The following PAG1 variants were observed in gnomAD, a reference collection of about 807,000 sequenced individuals.
The protein encoded by PAG1 is phosphoprotein associated with glycosphingolipid-enriched microdomains 1.
In PAG1, 23 loss-of-function variants were observed where a neutral mutation model predicts 31.7. The ratio of observed to expected loss-of-function variants is 0.73; its 90% CI spans 0.52 to 1.03. The LOEUF is 1.03. PAG1 is among the 50% of genes least tolerant of loss of function. PAG1 has a pLI of 0.00. For synonymous variants in PAG1, 214 were observed against 210.3 expected (o/e 1.02, Z -0.15); for missense variants, 473 against 540.7 (o/e 0.87, Z 1.24).
chr8:81,032,748 G>A (rs7007766), intron 2 of PAG1, among the ~76,000 whole-genome samples: 96,630 of 152,054 alleles, frequency 0.64, 31,686 homozygotes, highest in Non-Finnish European at 0.72. Flanking sequence ...GAAACTATAC[G>A]TCCACACAAA....
At chr8:81,080,575 G>GT in intron 1 of PAG1, among the ~76,000 whole-genome samples, 1 of 152,138 alleles carries the variant, frequency 6.6e-6, no homozygotes, top group East Asian at 1.9e-4. Context: ...TAAAGAGGCT[G>GT]TAAGAGGCAG....
intron 3 of PAG1, among the ~76,000 whole-genome samples, chr8:80,999,780 G>A (rs1807751337): frequency 6.6e-6 from 1 of 152,208 alleles, no homozygotes; most frequent in Non-Finnish European, 1.5e-5. Context: ...TTTTGCCCCA[G>A]ACAAGCCAAA....
chr8:81,103,231 C>T (rs1809637485), intron 1 of PAG1, among the ~76,000 whole-genome samples: 1 of 151,484 alleles, frequency 6.6e-6, no homozygotes, highest in African/African-American at 2.4e-5. Flanking sequence ...TGTGGCCCAT[C>T]AAATATAGAA....
Position 81,077,624 on chromosome 8 carries a change from A to C in PAG1, c.-233-7454T>G, listed in dbSNP as rs528434650. Among the ~76,000 whole-genome samples, 106 of 152,306 alleles carry C rather than the reference A, an allele frequency of 7.0e-4. 1 individual carries two copies. Among genetic ancestry groups the C allele is most frequent in the African/African-American group, 2.5e-3 (104 of 41,568 alleles). Reference sequence around the variant, plus strand: ...ATGGCTGTACTTTTGTCCACAACTAAGTTTTTTTTTCGCATTTAGAAATCT... The same window carrying C: ...ATGGCTGTACTTTTGTCCACAACTACGTTTTTTTTTCGCATTTAGAAATCT... On this transcript the variant is annotated intron_variant, in intron 1 of 8. Coordinates refer to ENST00000220597, the MANE Select transcript of PAG1 (RefSeq NM_018440.4).
At position 80,985,201 on chromosome 8, in the gene PAG1, C is replaced by T. The variant is rs1245100298; in HGVS notation, c.451G>A (p.Val151Met). Residue 151 changes from valine to methionine, a missense_variant, in exon 7 of 9, where the codon GTG becomes ATG. Coordinates refer to ENST00000220597, the MANE Select transcript of PAG1 (RefSeq NM_018440.4). ...AVDTMLTARS[V>M]DGDQGLGMEG... ...ATCCCCAGCCCCTGGTCCCCGTCCA[C>T]ACTTCTCGCCGTGAGCATGGTATCC... 1 of 1,614,030 alleles carries T rather than the reference C, an allele frequency of 6.2e-7. No individual in the cohort carries two copies. The highest frequency in any genetic ancestry group is 8.5e-7 in the Non-Finnish European group (1 of 1,180,040).
chr8:81,013,416 G>T (rs1021923388), intron 3 of PAG1, among the ~76,000 whole-genome samples: 1 of 152,050 alleles, frequency 6.6e-6, no homozygotes, highest in Non-Finnish European at 1.5e-5. Context: ...CTCAGTGTGC[G>T]CAAGGCTATA....
intron 1 of PAG1, among the ~76,000 whole-genome samples, chr8:81,081,008 G>A (rs1335421044): frequency 6.6e-6 from 1 of 152,132 alleles, no homozygotes; most frequent in Admixed American, 6.6e-5. Flanking sequence ...AAGGATGCAG[G>A]CTTTGGGACC....
intron 2 of PAG1, among the ~76,000 whole-genome samples, chr8:81,055,997 G>C (rs1464557756): frequency 6.6e-6 from 1 of 152,158 alleles, no homozygotes; most frequent in Non-Finnish European, 1.5e-5. Context: ...ACACTATGTT[G>C]AATAGGAGTG....
At chr8:80,989,880 G>C (rs1210481188) in intron 5 of PAG1, among the ~76,000 whole-genome samples, 1 of 152,212 alleles carries the variant, frequency 6.6e-6, no homozygotes, top group East Asian at 1.9e-4. Flanking sequence ...CACTGCAGAA[G>C]AACCCCTGCT....
intron 1 of PAG1, among the ~76,000 whole-genome samples, chr8:81,074,213 G>A (rs879319504): frequency 2.0e-5 from 3 of 152,230 alleles, no homozygotes; most frequent in Non-Finnish European, 2.9e-5. Flanking sequence ...AGTGGGACCT[G>A]TGAGCACAGT....
At chr8:81,088,379 T>C (rs980316490) in intron 1 of PAG1, among the ~76,000 whole-genome samples, 1 of 152,224 alleles carries the variant, frequency 6.6e-6, no homozygotes, top group African/African-American at 2.4e-5. Flanking sequence ...TTTTCACCTC[T>C]CTTATTTTTT....
intron 1 of PAG1, among the ~76,000 whole-genome samples, chr8:81,099,468 T>C (rs1809577337): frequency 6.6e-6 from 1 of 152,186 alleles, no homozygotes; most frequent in African/African-American, 2.4e-5. Flanking sequence ...TTCACTTTAT[T>C]AGTCTGAGAG....
Position 80,969,283 on chromosome 8 carries a change from A to G in PAG1, c.*7261T>C, listed in dbSNP as rs1807027057. ...AGGGATGGGTCATGAACACCACATC[A>G]GGTTCATTTATGAGTCTTATATTAA... On this transcript the variant is annotated 3_prime_UTR_variant, in exon 9 of 9. Transcript: ENST00000220597. The G allele has an allele frequency of 6.6e-6, 1 of 152,240 alleles. No homozygotes were observed. The highest frequency in any genetic ancestry group is 2.4e-5 in the African/African-American group (1 of 41,464). 9.4% of individuals were successfully genotyped at this position (152,240 alleles called of 1,614,324 possible).
rs959309462 is a variant in PAG1 at position 80,974,341 on chromosome 8, T to C, written c.*2203A>G. ...CCATGTACTAAAGAACCCCATCATG[T>C]GAGAGATCGCTCAAAGTCATTAACA... On this transcript the variant is annotated 3_prime_UTR_variant, in exon 9 of 9. Coordinates refer to ENST00000220597, the MANE Select transcript of PAG1 (RefSeq NM_018440.4). 1 of 152,148 alleles carries C rather than the reference T, an allele frequency of 6.6e-6. No individual in the cohort carries two copies. The highest frequency in any genetic ancestry group is 6.5e-5 in the Admixed American group (1 of 15,282). 9.4% of individuals were successfully genotyped at this position (152,148 alleles called of 1,614,324 possible).
rs1807489993 is a variant in PAG1, at chr8:80,989,318, GAAGACT to G, written c.178-1858_178-1853del. On this transcript the variant is annotated intron_variant, in intron 5 of 8. Transcript: ENST00000220597. ...ATGGGCAGGCATGGGTGTGGGGAAGGAAGACTCCCAGGTGGGCCCATAACAGCATAA... is the reference window on the plus strand; with the variant it reads ...ATGGGCAGGCATGGGTGTGGGGAAGGCCCAGGTGGGCCCATAACAGCATAA... Among the ~76,000 whole-genome samples, 7 of 152,268 alleles carry G rather than the reference GAAGACT, an allele frequency of 4.6e-5. No individual in the cohort carries two copies. The South Asian group carries it at 1.2e-3, about 27-fold the overall frequency.
chr8:80,981,413 C>T (rs758531001), intron 7 of PAG1, among the ~76,000 whole-genome samples: 3 of 151,972 alleles, frequency 2.0e-5, no homozygotes, highest in Admixed American at 6.6e-5. Flanking sequence ...CCCTTAAAGC[C>T]GCTCCGTATC....
chr8:81,035,094 G>A (rs1808441476), intron 2 of PAG1, among the ~76,000 whole-genome samples: 2 of 152,182 alleles, frequency 1.3e-5, no homozygotes, highest in Admixed American at 6.5e-5. Context: ...GGGAGGCAAA[G>A]CTATCAGCAA....
chr8:81,085,972 G>GTGTTTTTTTTTTTTTTT (rs1809345255), intron 1 of PAG1, among the ~76,000 whole-genome samples: 1 of 58,876 alleles, frequency 1.7e-5, no homozygotes, highest in African/African-American at 7.3e-5. Flanking sequence ...AATCTGGCTT[G>GTGTTTTTTTTTTTTTTT]TTTTTTTTTT....
chr8:81,076,786 T>C (rs4076056), intron 1 of PAG1, among the ~76,000 whole-genome samples: 13,133 of 152,268 alleles, frequency 0.086, 1,925 homozygotes, highest in African/African-American at 0.3. Flanking sequence ...TGAACATTTA[T>C]TACTCAATAT....
Sources: gnomAD v4.1 joint callset for allele counts (sites outside exome capture counted in the v4.1 genomes callset) on GRCh38, gnomAD v4.1.1 for gene constraint, MANE v1.5 for transcripts, NCBI Gene and HGNC (gene_info 2026-07-23, HGNC 2026-07-21) for gene names.